TET3: variants seen among roughly 807,000 people sequenced by gnomAD.
TET3 encodes the protein tet methylcytosine dioxygenase 3.
Under a neutral mutation model 141.4 loss-of-function variants are expected in TET3, and 19 were observed. That is an observed-to-expected ratio of 0.13 (90% CI 0.09 to 0.20). TET3 has a LOEUF of 0.20. Ranked by LOEUF, TET3 falls within the 10% of genes least tolerant of loss-of-function variation. The pLI, the probability that TET3 is intolerant of heterozygous loss-of-function variation, is 1.00. For missense variants in TET3, 1,874 were observed against 2,356.9 expected, an observed-to-expected ratio of 0.80 and a Z score of 4.24; for synonymous variants, 1,043 against 980.9, an observed-to-expected ratio of 1.06 and a Z score of -1.18.
At chr2:74,068,202 T>G (rs745978572) in intron 4 of TET3, among the ~76,000 whole-genome samples, 28 of 152,204 alleles carry the variant, frequency 1.8e-4, no homozygotes, top group Non-Finnish European at 3.1e-4. Flanking sequence ...AATTTTTAAT[T>G]TTTTTTACTG....
chr2:74,075,375 C>T (rs909380232), intron 5 of TET3, among the ~76,000 whole-genome samples: 1 of 118,160 alleles, frequency 8.5e-6, no homozygotes, highest in African/African-American at 3.3e-5. Flanking sequence ...GTCCTCCAGT[C>T]TGGAGTGCAG....
At chr2:74,124,118 G>A in the TET3 span, among the ~76,000 whole-genome samples, 1 of 151,960 alleles carries the variant, frequency 6.6e-6, no homozygotes, top group Non-Finnish European at 1.5e-5. Context: ...GCCCGGTCCA[G>A]GAGGTGGGGG....
intron 4 of TET3, among the ~76,000 whole-genome samples, chr2:74,068,515 T>C (rs1017581744): frequency 1.3e-5 from 2 of 152,252 alleles, no homozygotes; most frequent in Non-Finnish European, 2.9e-5. Context: ...AATGGACATT[T>C]AGGTTATTTC....
At chr2:74,097,218 C>CACACAG (rs1558791359) in intron 10 of TET3, among the ~76,000 whole-genome samples, 2 of 151,550 alleles carry the variant, frequency 1.3e-5, no homozygotes, top group African/African-American at 4.9e-5. Flanking sequence ...CACACACACA[C>CACACAG]ACACACACAC....
intron 3 of TET3, among the ~76,000 whole-genome samples, chr2:74,044,439 A>G (rs566849788): frequency 2.6e-5 from 4 of 152,236 alleles, no homozygotes; most frequent in Non-Finnish European, 1.5e-5. Flanking sequence ...TGAGTACATG[A>G]TGTTCCTCAA....
chr2:74,101,858 G>A lies in TET3; in HGVS notation c.5070G>A (p.Ser1690=), dbSNP rs367583260. The A allele has an allele frequency of 3.4e-5, 55 of 1,613,024 alleles. No homozygotes were observed. The highest frequency in any genetic ancestry group is 4.6e-5 in the Non-Finnish European group (54 of 1,179,788). ...ACCGCTGCCACCCCACCCGCATCTC[G>A]CTGGTCTTCTACCAGCACAAGAACC... ...KPNRCHPTRI[S]LVFYQHKNLN... is the part of the protein sequence containing the mutation. Residue 1690 remains serine (S), a synonymous_variant, in exon 12 of 12, where the codon TCG becomes TCA. Transcript: ENST00000409262. The surrounding 1 kb of genome is among the most constrained non-coding windows in gnomAD (Gnocchi z 8.5).
chr2:74,133,056 C>A, the TET3 span, among the ~76,000 whole-genome samples: 9 of 149,954 alleles, frequency 6.0e-5, no homozygotes, highest in Non-Finnish European at 1.0e-4. Context: ...TGCCACTATG[C>A]CTGGCTAATT....
Position 74,100,491 on chromosome 2 carries a change from G to T in TET3, c.3703G>T (p.Ala1235Ser). 1 of 1,601,538 alleles carries T rather than the reference G, an allele frequency of 6.2e-7. No individual in the cohort carries two copies. The highest frequency in any genetic ancestry group is 8.5e-7 in the Non-Finnish European group (1 of 1,174,202). Residue 1235 changes from alanine to serine, a missense_variant, in exon 12 of 12, where the codon GCG becomes TCG. Ala to Ser is a moderately conservative substitution (Grantham distance 99). Around this residue, in one of 10 missense-constraint regions of TET3, gnomAD observed 602 missense variants for 590.2 expected, o/e 1.02. Transcript: ENST00000409262. ...CAGCTCCTTCAAGTACAGCGGCAACGCGGTGGTGGAGAGCTACTCGGTGCT... is the reference window on the plus strand; with the variant it reads ...CAGCTCCTTCAAGTACAGCGGCAACTCGGTGGTGGAGAGCTACTCGGTGCT... Reference protein sequence around the residue: ...HFSSFKYSGNAVVESYSVLGN... With the variant: ...HFSSFKYSGNSVVESYSVLGN...
At chr2:74,051,325 AT>A (rs1687930954) in intron 4 of TET3, among the ~76,000 whole-genome samples, 1 of 152,254 alleles carries the variant, frequency 6.6e-6, no homozygotes, top group Non-Finnish European at 1.5e-5. Flanking sequence ...AACACTTTGT[AT>A]TATTAAATTA....
intron 2 of TET3, among the ~76,000 whole-genome samples, chr2:73,994,109 G>C (rs1033735992): frequency 2.0e-5 from 3 of 152,138 alleles, no homozygotes; most frequent in African/African-American, 7.2e-5. Context: ...GATTTAATCA[G>C]GGCAAGTACA....
chr2:74,046,650 G>T lies in TET3; in HGVS notation c.733G>T (p.Gly245Cys), dbSNP rs749728471. ...CAGGGGACCCCGGCCAGGGCCTGAG[G>T]GCTGCTCTGCTGGCAGCGAAGACCT... ...NSRGPRPGPE[G>C]CSAGSEDLDT... Residue 245 changes from glycine to cysteine, a missense_variant, in exon 4 of 12, where the codon GGC becomes TGC. This residue lies in a region of TET3 where 366 missense variants were observed against 487.0 expected (regional missense o/e 0.75). Transcript: ENST00000409262. This position sits in a 1 kb window ranked among gnomAD's most constrained non-coding sequence, Gnocchi z 4.3. 36 of 1,613,954 alleles carry T rather than the reference G, an allele frequency of 2.2e-5. No individual in the cohort carries two copies. The highest frequency in any genetic ancestry group is 3.0e-5 in the Non-Finnish European group (35 of 1,179,904).
At chr2:74,011,270 A>G (rs762902665) in intron 3 of TET3, among the ~76,000 whole-genome samples, 13 of 151,898 alleles carry the variant, frequency 8.6e-5, no homozygotes, top group Non-Finnish European at 1.5e-4. Context: ...GAAGTATAGT[A>G]TACACACGGA....
chr2:74,111,547 G>A (rs1250968698), downstream of TET3, among the ~76,000 whole-genome samples: 2 of 152,146 alleles, frequency 1.3e-5, no homozygotes, highest in East Asian at 3.8e-4. Context: ...ACAACTCTGG[G>A]GAACACCATT....
At chr2:74,134,166 C>T in the TET3 span, among the ~76,000 whole-genome samples, 4 of 152,180 alleles carry the variant, frequency 2.6e-5, no homozygotes, top group Admixed American at 2.6e-4. Context: ...CACTGCCGTC[C>T]TGCTGGCCTC....
the TET3 span, chr2:74,135,095 T>C: frequency 4.8e-6 from 1 of 207,194 alleles, no homozygotes; most frequent in African/African-American, 2.3e-5. Context: ...AGAACCCGGA[T>C]CCTGGCACCC....
At chr2:74,122,780 G>C in the TET3 span, among the ~76,000 whole-genome samples, 1 of 139,066 alleles carries the variant, frequency 7.2e-6, no homozygotes, top group Non-Finnish European at 1.5e-5. Flanking sequence ...GGATGGTCTT[G>C]ATCTCCTGAC....
downstream of TET3, among the ~76,000 whole-genome samples, chr2:74,112,228 C>T (rs1162155556): frequency 6.6e-6 from 1 of 151,770 alleles, no homozygotes; most frequent in Non-Finnish European, 1.5e-5. Flanking sequence ...TCTTTAGTAA[C>T]ACTGCAGGCC....
chr2:74,085,631 A>AGTTCACAATAGG (rs61535759), intron 6 of TET3, among the ~76,000 whole-genome samples: 59,820 of 151,814 alleles, frequency 0.39, 14,766 homozygotes, highest in African/African-American at 0.7. Flanking sequence ...TCACATGCGC[A>AGTTCACAATAGG]GTTCATGCTC....
At chr2:74,002,176 G>A (rs537210296) in intron 2 of TET3, among the ~76,000 whole-genome samples, 158 of 152,288 alleles carry the variant, frequency 1.0e-3, no homozygotes, top group Middle Eastern at 3.4e-3. Flanking sequence ...GCATCACCTT[G>A]GGTAAGTTGT....
Sources: allele counts gnomAD v4.1 joint callset (sites outside exome capture counted in the v4.1 genomes callset), GRCh38; gene constraint gnomAD v4.1.1; regional missense constraint gnomAD v4.1.1; non-coding constraint Gnocchi (gnomAD v3.1); transcripts MANE v1.5; gene names NCBI Gene and HGNC (gene_info 2026-07-23, HGNC 2026-07-21).